EPHA6: variants seen among roughly 807,000 people sequenced by gnomAD.
EPHA6 encodes the protein EPH receptor A6.
In EPHA6, 50 loss-of-function variants were observed where a neutral mutation model predicts 112.0. The ratio of observed to expected loss-of-function variants is 0.45; its 90% CI spans 0.36 to 0.56. The LOEUF is 0.56. EPHA6 is among the 20% of genes least tolerant of loss of function. EPHA6 has a pLI of 0.00. For missense variants in EPHA6, 1,280 were observed against 1,417.4 expected, an observed-to-expected ratio of 0.90 and a Z score of 1.56; for synonymous variants, 529 against 490.7, an observed-to-expected ratio of 1.08 and a Z score of -1.03.
chr3:96,994,556 T>A (rs1456303600), intron 3 of EPHA6, among the ~76,000 whole-genome samples: 1 of 151,830 alleles, frequency 6.6e-6, no homozygotes, highest in Non-Finnish European at 1.5e-5. Context: ...GTTATACGAG[T>A]TCTGAAGTAG....
At chr3:97,040,157 A>C (rs928482465) in intron 3 of EPHA6, among the ~76,000 whole-genome samples, 1 of 151,740 alleles carries the variant, frequency 6.6e-6, no homozygotes, top group East Asian at 1.9e-4. Context: ...AAATACTTAT[A>C]TTTATCAGCA....
rs2033626841 is a variant in EPHA6 at position 97,705,453 on chromosome 3, A to C, written c.2785-14808A>C. On this transcript the variant is annotated intron_variant, in intron 14 of 17. Coordinates refer to ENST00000389672, the MANE Select transcript of EPHA6 (RefSeq NM_001080448.3). ...TAGAAAAACCTGTTACATGATTAGC[A>C]CTGTTGTGATTGTACACTACATCTC... 2.6e-5 allele frequency among the ~76,000 whole-genome samples: 4 copies of C among 152,136 alleles called. No homozygotes were observed. In the South Asian group the frequency reaches 8.3e-4, roughly 32 times the overall value.
intron 10 of EPHA6, among the ~76,000 whole-genome samples, chr3:97,518,775 T>A (rs909648053): frequency 6.6e-6 from 1 of 152,154 alleles, no homozygotes; most frequent in African/African-American, 2.4e-5. Context: ...GCCATTTTTA[T>A]GTCTTCTTTG....
chr3:97,602,535 T>C (rs1414724425), intron 12 of EPHA6, among the ~76,000 whole-genome samples: 2 of 152,198 alleles, frequency 1.3e-5, no homozygotes, highest in South Asian at 2.1e-4. Context: ...TGGAACCAGA[T>C]TGCCTGGCTT....
At chr3:96,883,090 T>C (rs796621438) in intron 2 of EPHA6, among the ~76,000 whole-genome samples, 2 of 152,136 alleles carry the variant, frequency 1.3e-5, no homozygotes, top group South Asian at 2.1e-4. Context: ...GCAACATCTA[T>C]TGTTTTTTGA....
At chr3:97,641,115 G>A (rs546626522) in intron 14 of EPHA6, among the ~76,000 whole-genome samples, 1 of 152,254 alleles carries the variant, frequency 6.6e-6, no homozygotes, top group South Asian at 2.1e-4. Flanking sequence ...CCCTATTAGA[G>A]ATGACCTGGC....
intron 2 of EPHA6, among the ~76,000 whole-genome samples, chr3:96,912,065 C>T (rs1292351238): frequency 6.6e-6 from 1 of 151,856 alleles, no homozygotes; most frequent in Non-Finnish European, 1.5e-5. Flanking sequence ...ATGAAATACA[C>T]GTAAAGAGAA....
intron 3 of EPHA6, among the ~76,000 whole-genome samples, chr3:97,071,142 T>G (rs1319702446): frequency 6.6e-6 from 1 of 152,020 alleles, no homozygotes; most frequent in African/African-American, 2.4e-5. Context: ...TTCACAACTT[T>G]GGCCATTCTT....
chr3:97,481,301 C>A (rs902295833), intron 9 of EPHA6: 3 of 1,543,288 alleles, frequency 1.9e-6, no homozygotes, highest in Non-Finnish European at 2.7e-6. Flanking sequence ...GAGTATCCGT[C>A]TTGGAGGGAG....
chr3:97,240,683 C>G (rs997653953), intron 4 of EPHA6, among the ~76,000 whole-genome samples: 4 of 151,716 alleles, frequency 2.6e-5, no homozygotes, highest in Non-Finnish European at 2.9e-5. Context: ...TCAGCTTGTT[C>G]TTCTTCTGTG....
chr3:97,525,116 T>A (rs1270077783), intron 10 of EPHA6, among the ~76,000 whole-genome samples: 1 of 152,178 alleles, frequency 6.6e-6, no homozygotes. Flanking sequence ...CTTTGGATAC[T>A]CTCATAAATT....
intron 3 of EPHA6, among the ~76,000 whole-genome samples, chr3:96,988,846 A>G (rs16837509): frequency 0.037 from 5,636 of 152,248 alleles, 353 homozygotes; most frequent in African/African-American, 0.13. Context: ...TGAAATACCT[A>G]TAATTTTCGT....
intron 7 of EPHA6, among the ~76,000 whole-genome samples, chr3:97,460,303 G>A (rs1035775165): frequency 6.6e-6 from 1 of 152,168 alleles, no homozygotes; most frequent in Non-Finnish European, 1.5e-5. Context: ...TCCAGGTATT[G>A]GGACCTAAGG....
chr3:97,139,910 C>T (rs985590622), intron 3 of EPHA6, among the ~76,000 whole-genome samples: 7 of 151,262 alleles, frequency 4.6e-5, no homozygotes, highest in African/African-American at 1.7e-4. Context: ...AAAACCAACA[C>T]AAAGAAATAA....
At chr3:97,187,269 T>C (rs981078451) in intron 3 of EPHA6, among the ~76,000 whole-genome samples, 2 of 152,048 alleles carry the variant, frequency 1.3e-5, no homozygotes, top group Non-Finnish European at 2.9e-5. Context: ...TGGCTCTTGA[T>C]ACTTCTACTT....
chr3:96,898,921 G>A (rs1226432731), intron 2 of EPHA6, among the ~76,000 whole-genome samples: 3 of 151,578 alleles, frequency 2.0e-5, no homozygotes, highest in East Asian at 1.9e-4. Context: ...CCAGCTACAC[G>A]GGAGGCTGAG....
intron 1 of EPHA6, among the ~76,000 whole-genome samples, chr3:96,852,785 C>G (rs1428614198): frequency 1.3e-5 from 2 of 152,022 alleles, no homozygotes; most frequent in African/African-American, 4.8e-5. Context: ...GTTGGTGTTT[C>G]TCACATAAAT....
chr3:97,459,591 T>C (rs930976099), intron 7 of EPHA6, among the ~76,000 whole-genome samples: 2 of 152,220 alleles, frequency 1.3e-5, no homozygotes, highest in Non-Finnish European at 2.9e-5. Context: ...TATGTAGTTT[T>C]GGAGACAGGC....
intron 3 of EPHA6, among the ~76,000 whole-genome samples, chr3:97,097,860 A>G (rs891573431): frequency 2.0e-5 from 3 of 151,930 alleles, no homozygotes; most frequent in East Asian, 1.9e-4. Context: ...CAAGTAGGCA[A>G]TGGTTATTAA....
Sources: allele counts gnomAD v4.1 joint callset (sites outside exome capture counted in the v4.1 genomes callset), GRCh38; gene constraint gnomAD v4.1.1; transcripts MANE v1.5; gene names NCBI Gene and HGNC (gene_info 2026-07-23, HGNC 2026-07-21).